MIA3: variants seen among roughly 807,000 people sequenced by gnomAD.
MIA3 encodes MIA SH3 domain ER export factor 3.
MIA3 carries 90 observed loss-of-function variants against 192.4 expected under a neutral mutation model. The observed-to-expected ratio is 0.47, with a 90% CI of 0.39 to 0.56. MIA3 has a LOEUF of 0.56. Among genes scored for constraint, MIA3 ranks in the 20% least tolerant of loss-of-function variants. MIA3 has a pLI of 0.00. For synonymous variants in MIA3, 740 were observed against 792.8 expected, an observed-to-expected ratio of 0.93 and a Z score of 1.12; for missense variants, 2,123 against 2,269.4, an observed-to-expected ratio of 0.94 and a Z score of 1.31.
At chr1:222,621,808 TG>T (rs1315376867) in intron 2 of MIA3, among the ~76,000 whole-genome samples, 1 of 100,836 alleles carries the variant, frequency 9.9e-6, no homozygotes, top group African/African-American at 2.7e-5. Context: ...CTTTCTTGTT[TG>T]TTTGTTTTTT....
At position 222,625,248 on chromosome 1, in the gene MIA3, G is replaced by A. The variant is rs571450859; in HGVS notation, c.354+394G>A. Among the ~76,000 whole-genome samples the A allele has an allele frequency of 2.6e-4, 40 of 152,148 alleles. No homozygotes were observed. The East Asian group carries it at 4.4e-3, about 17-fold the overall frequency. Reference sequence around the variant, plus strand: ...TCTCGATCTCCTGACCTCATGATCCGCCCGCCTCAGCCTCCCAAAGTGCTG... The same window carrying A: ...TCTCGATCTCCTGACCTCATGATCCACCCGCCTCAGCCTCCCAAAGTGCTG... On this transcript the variant is annotated intron_variant, in intron 3 of 27. Coordinates refer to ENST00000344922, the MANE Select transcript of MIA3 (RefSeq NM_198551.4).
chr1:222,628,021 G>C lies in MIA3; in HGVS notation c.801G>C (p.Leu267Phe). The change falls in exon 4 of 28, where the codon TTG becomes TTC. Residue 267 changes from leucine (L) to phenylalanine (F), a missense_variant. By Grantham distance (22) the Leu-to-Phe change is conservative. Around this residue, in one of 3 missense-constraint regions of MIA3, gnomAD observed 1,357 missense variants for 1,396.1 expected, o/e 0.97. Transcript: ENST00000344922. Reference protein sequence around the residue: ...EQDKIDAYKLLKKEMTLDLKT... With the variant: ...EQDKIDAYKLFKKEMTLDLKT... ...ATAAGATTGATGCCTATAAACTTTT[G>C]AAAAAAGAAATGACTCTAGACTTGA... 6.2e-7 allele frequency: 1 copy of C among 1,613,792 alleles called. No individual in the cohort carries two copies. Among genetic ancestry groups the C allele is most frequent in the African/African-American group, 1.3e-5 (1 of 74,982 alleles).
chr1:222,650,652 C>T lies in MIA3; in HGVS notation c.3739C>T (p.His1247Tyr). ...YEQKIKESKK[H>Y]VQETRKQNMI... The stretch of plus-strand genomic sequence containing the variant: ...TATATAGATCAAGGAATCAAAGAAA[C>T]ATGTTCAGGAAACCAGGAAACAAAA... The change falls in exon 10 of 28, where the codon CAT becomes TAT. Residue 1247 changes from histidine (H) to tyrosine (Y), a missense_variant. His to Tyr is a moderately conservative substitution (Grantham distance 83, BLOSUM62 2). This residue lies in a region of MIA3 where 762 missense variants were observed against 856.4 expected (regional missense o/e 0.89). Coordinates refer to ENST00000344922, the MANE Select transcript of MIA3 (RefSeq NM_198551.4). 6.3e-7 allele frequency: 1 copy of T among 1,591,666 alleles called. No homozygotes were observed. The highest frequency in any genetic ancestry group is 8.6e-7 in the Non-Finnish European group (1 of 1,165,498).
At chr1:222,651,103 T>A (rs1663406765) in intron 11 of MIA3, among the ~76,000 whole-genome samples, 200 bp downstream of exon 11, 1 of 152,172 alleles carries the variant, frequency 6.6e-6, no homozygotes. Flanking sequence ...AGTATTTTGG[T>A]TCTCAACCCT....
chr1:222,644,098 G>A (rs931905720), intron 6 of MIA3, among the ~76,000 whole-genome samples: 2 of 152,186 alleles, frequency 1.3e-5, no homozygotes, highest in Non-Finnish European at 2.9e-5. Context: ...GTAAATCCCT[G>A]GCCTCATTAC....
In MIA3 at chr1:222,650,845, A is replaced by G; in HGVS notation, c.3851A>G (p.Lys1284Arg). Residue 1284 changes from lysine (K) to arginine (R), a missense_variant, in exon 11 of 28, where the codon AAA becomes AGA. By Grantham distance (26) the Lys-to-Arg change is conservative. Coordinates refer to ENST00000344922, the MANE Select transcript of MIA3 (RefSeq NM_198551.4). ...KNQEILDDTA[K>R]NLRVMLESER... ...CAGGAAATTCTGGATGACACAGCTA[A>G]AAATCTTCGTGTTATGCTAGAATCT... 1 of 1,611,028 alleles carries G rather than the reference A, an allele frequency of 6.2e-7. No homozygotes were observed. Among genetic ancestry groups the G allele is most frequent in the Non-Finnish European group, 8.5e-7 (1 of 1,178,984 alleles).
chr1:222,618,160 C>T lies in MIA3; in HGVS notation c.50C>T (p.Pro17Leu). The T allele has an allele frequency of 2.7e-6, 4 of 1,508,124 alleles. No individual in the cohort carries two copies. The highest frequency in any genetic ancestry group is 3.5e-6 in the Non-Finnish European group (4 of 1,128,974). 93.4% of individuals were successfully genotyped at this position (1,508,124 alleles called of 1,614,324 possible). A position where few individuals can be genotyped will look rare whatever the true frequency, so the allele number is the denominator to read the frequency against. The change falls in exon 1 of 28, where the codon CCC becomes CTC. Residue 17 changes from proline to leucine, a missense_variant. Physicochemically the swap from Pro to Leu is moderately conservative, Grantham distance 98. Around this residue, in one of 3 missense-constraint regions of MIA3, gnomAD observed 1,357 missense variants for 1,396.1 expected, o/e 0.97. Coordinates refer to ENST00000344922, the MANE Select transcript of MIA3 (RefSeq NM_198551.4). ...LLVWLLVLRL[P>L]WRVPGQLDPS... Reference sequence around the variant, plus strand: ...GTCTGGCTGCTCGTGCTCCGGCTGCCCTGGCGGGTGCCGGGCCAGCTGGAC... The same window carrying T: ...GTCTGGCTGCTCGTGCTCCGGCTGCTCTGGCGGGTGCCGGGCCAGCTGGAC...
At chr1:222,656,198 T>C (rs1257260726) in intron 18 of MIA3, among the ~76,000 whole-genome samples, 1 of 151,894 alleles carries the variant, frequency 6.6e-6, no homozygotes, top group African/African-American at 2.4e-5. Context: ...GGTCTCAATC[T>C]CCTGACCTCG....
In MIA3 at chr1:222,618,210, G is replaced by A. The variant is rs1661691884; in HGVS notation, c.100G>A (p.Glu34Lys). Reference sequence around the variant, plus strand: ...CCCCAGCACTGGCCGGCGGTTCTCGGAGCACAAACTCTGCGCGGACGACGA... The same window carrying A: ...CCCCAGCACTGGCCGGCGGTTCTCGAAGCACAAACTCTGCGCGGACGACGA... ...LDPSTGRRFS[E>K]HKLCADDECS... is the part of the protein sequence containing the mutation. The change falls in exon 1 of 28, where the codon GAG (glutamate) becomes AAG (lysine). Residue 34 changes from glutamate (E) to lysine (K), a missense_variant. By Grantham distance (56) the Glu-to-Lys change is moderately conservative (BLOSUM62 1). Coordinates refer to ENST00000344922, the MANE Select transcript of MIA3 (RefSeq NM_198551.4). The A allele has an allele frequency of 1.3e-6, 2 of 1,492,034 alleles. No homozygotes were observed. Among genetic ancestry groups the A allele is most frequent in the Non-Finnish European group, 1.8e-6 (2 of 1,117,478 alleles). 92.4% of individuals were successfully genotyped at this position (1,492,034 alleles called of 1,614,324 possible).
rs200756496 is a variant in MIA3, at chr1:222,629,407, A to C, written c.2187A>C (p.Glu729Asp). ...AAGAGGATGATTATCCCTCTGAAGA[A>C]CTACTAGAGGATGAAAACGCTATAA... is the stretch of plus-strand genomic sequence containing the variant. The part of the protein sequence containing the change: ...KVEEDDYPSE[E>D]LLEDENAINA... The change falls in exon 4 of 28, where the codon GAA (glutamate) becomes GAC (aspartate). Residue 729 changes from glutamate (E) to aspartate (D), a missense_variant. Around this residue, in one of 3 missense-constraint regions of MIA3, gnomAD observed 1,357 missense variants for 1,396.1 expected, o/e 0.97. Coordinates refer to ENST00000344922, the MANE Select transcript of MIA3 (RefSeq NM_198551.4). The C allele has an allele frequency of 3.0e-5, 49 of 1,614,104 alleles. No homozygotes were observed. The East Asian group carries it at 1.1e-3, about 36-fold the overall frequency.
chr1:222,621,546 G>A (rs1421171306), intron 2 of MIA3, among the ~76,000 whole-genome samples: 1 of 152,136 alleles, frequency 6.6e-6, no homozygotes, highest in African/African-American at 2.4e-5. Flanking sequence ...TGCTGCATAC[G>A]TATTAGAGGT....
intron 17 of MIA3, 58 bp downstream of exon 17, chr1:222,654,537 G>C (rs1197432677): frequency 2.5e-5 from 39 of 1,556,758 alleles, no homozygotes. Flanking sequence ...AATTGCATTA[G>C]AAAGATAAAG....
At chr1:222,636,506 CTTTTTT>C (rs34208115) in intron 6 of MIA3, among the ~76,000 whole-genome samples, 1 of 74,038 alleles carries the variant, frequency 1.4e-5, no homozygotes. Flanking sequence ...TAGTGTCCAT[CTTTTTT>C]TTTTTTTTTT....
chr1:222,621,268 A>C lies in MIA3; in HGVS notation c.243A>C (p.Gly81=). The change falls in exon 2 of 28, where the codon GGA becomes GGC. Residue 81 remains glycine, a synonymous_variant. Coordinates refer to ENST00000344922, the MANE Select transcript of MIA3 (RefSeq NM_198551.4). ...ATGTTTACTATAAACTGGCAAGAGG[A>C]TGGCCTGAAGTTTGGGCTGGAAGTG... is the stretch of plus-strand genomic sequence containing the variant. The part of the protein sequence containing the change: ...PVYVYYKLAR[G]WPEVWAGSVG... The C allele has an allele frequency of 6.2e-7, 1 of 1,608,218 alleles. No individual in the cohort carries two copies. The highest frequency in any genetic ancestry group is 8.5e-7 in the Non-Finnish European group (1 of 1,178,582).
chr1:222,637,114 A>G (rs1198576777), intron 6 of MIA3, among the ~76,000 whole-genome samples: 5 of 152,200 alleles, frequency 3.3e-5, no homozygotes, highest in Non-Finnish European at 7.3e-5. Flanking sequence ...GTCTCATACC[A>G]GTTACTGTCT....
intron 4 of MIA3, among the ~76,000 whole-genome samples, chr1:222,631,860 G>A (rs527553165): frequency 9.8e-5 from 15 of 152,320 alleles, no homozygotes; most frequent in African/African-American, 3.6e-4. Flanking sequence ...GCTCTTGAGT[G>A]GAATTCTCAT....
At chr1:222,630,485 A>C in intron 4 of MIA3, 96 bp downstream of exon 4, 1 of 1,308,676 alleles carries the variant, frequency 7.6e-7, no homozygotes, top group African/African-American at 1.5e-5. Context: ...TCAGTTTCCA[A>C]TGTGCCTAAA....
chr1:222,624,753 C>T lies in MIA3; in HGVS notation c.268-15C>T, dbSNP rs375571811. The T allele has an allele frequency of 3.8e-5, 49 of 1,305,016 alleles. No individual in the cohort carries two copies. The highest frequency in any genetic ancestry group is 5.2e-5 in the Non-Finnish European group (47 of 902,100). 80.8% of individuals were successfully genotyped at this position (1,305,016 alleles called of 1,614,324 possible). A position where few individuals can be genotyped will look rare whatever the true frequency, so the allele number is the denominator to read the frequency against. ...TTGATTGATATGTGTCCCTTTTGCC[C>T]ATTCTTTTGTGTAGGTTGGACGCAC... On this transcript the variant is annotated splice_polypyrimidine_tract_variant and intron_variant, in intron 2 of 27. Coordinates refer to ENST00000344922, the MANE Select transcript of MIA3 (RefSeq NM_198551.4).
At chr1:222,664,934 T>G in intron 27 of MIA3, 1 of 469,774 alleles carries the variant, frequency 2.1e-6, no homozygotes, top group South Asian at 1.6e-5. Flanking sequence ...CCCAGCACTT[T>G]ATGAATCCCA....
Sources: gnomAD v4.1 joint callset for allele counts (sites outside exome capture counted in the v4.1 genomes callset) on GRCh38, gnomAD v4.1.1 for gene constraint, gnomAD v4.1.1 regional missense constraint, MANE v1.5 for transcripts, NCBI Gene and HGNC (gene_info 2026-07-23, HGNC 2026-07-21) for gene names.